The following CSGALNACT1 variants were observed in gnomAD, a reference collection of about 807,000 sequenced individuals.
The protein encoded by CSGALNACT1 is chondroitin sulfate N-acetylgalactosaminyltransferase 1, also known as beta4GalNAcT-1.
CSGALNACT1 carries 52 observed loss-of-function variants against 51.0 expected under a neutral mutation model. The observed-to-expected ratio is 1.02, with a 90% CI of 0.82 to 1.29. The LOEUF is 1.29. CSGALNACT1 is among the 50% of genes most tolerant of loss of function. The pLI is 0.00. For synonymous variants in CSGALNACT1, 341 were observed against 254.4 expected, an observed-to-expected ratio of 1.34 and a Z score of -3.24; for missense variants, 935 against 679.2, an observed-to-expected ratio of 1.38 and a Z score of -4.19.
At chr8:19,430,601 G>C (rs1246849157) in intron 6 of CSGALNACT1, among the ~76,000 whole-genome samples, 2 of 152,120 alleles carry the variant, frequency 1.3e-5, no homozygotes, top group African/African-American at 2.4e-5. Context: ...CTTAACTACT[G>C]TAATTTTATA....
intron 3 of CSGALNACT1, among the ~76,000 whole-genome samples, chr8:19,570,249 G>C (rs1003245359): frequency 1.3e-5 from 2 of 152,058 alleles, no homozygotes; most frequent in African/African-American, 4.8e-5. Context: ...AAAAAGTGTT[G>C]GCTGTTTCCC....
At chr8:19,513,746 T>A (rs537929059) in intron 3 of CSGALNACT1, among the ~76,000 whole-genome samples, 1 of 152,156 alleles carries the variant, frequency 6.6e-6, no homozygotes, top group East Asian at 1.9e-4. Context: ...CTAACAAACC[T>A]GTACCACATG....
chr8:19,634,640 C>A (rs1271829212), intron 1 of CSGALNACT1, among the ~76,000 whole-genome samples: 4 of 152,070 alleles, frequency 2.6e-5, no homozygotes, highest in African/African-American at 9.7e-5. Context: ...CCAGCCTGGG[C>A]AACAGAGTGA....
intron 1 of CSGALNACT1, among the ~76,000 whole-genome samples, chr8:19,609,519 G>A (rs558333457): frequency 5.3e-5 from 8 of 151,938 alleles, no homozygotes; most frequent in Admixed American, 4.6e-4. Context: ...GCAATAAAAA[G>A]GAATGATCTA....
chr8:19,574,575 G>C (rs2043738155), intron 3 of CSGALNACT1, among the ~76,000 whole-genome samples: 1 of 152,122 alleles, frequency 6.6e-6, no homozygotes, highest in Non-Finnish European at 1.5e-5. Flanking sequence ...GTGTGGAACT[G>C]GCACTAAAGC....
intron 8 of CSGALNACT1, among the ~76,000 whole-genome samples, chr8:19,410,030 T>C (rs1027311829): frequency 1.3e-5 from 2 of 152,234 alleles, no homozygotes; most frequent in African/African-American, 4.8e-5. Flanking sequence ...GAATCTTAAA[T>C]GTTCTTTAAC....
intron 4 of CSGALNACT1, among the ~76,000 whole-genome samples, chr8:19,476,925 C>G (rs111802356): frequency 1.3e-5 from 2 of 152,138 alleles, no homozygotes; most frequent in South Asian, 2.1e-4. Flanking sequence ...CATGAGGTCC[C>G]GAGCCTGCTG....
chr8:19,505,196 C>T lies in CSGALNACT1; in HGVS notation c.634+5G>A, dbSNP rs200374988. 2 of 1,614,150 alleles carry T rather than the reference C, an allele frequency of 1.2e-6. No individual in the cohort carries two copies. The highest frequency in any genetic ancestry group is 1.7e-6 in the Non-Finnish European group (2 of 1,180,010). On this transcript the variant is annotated splice_donor_5th_base_variant and intron_variant, in intron 4 of 9. Transcript: ENST00000454498. Reference sequence around the variant, plus strand: ...TCCTTTCCCCCCAATTCACAAAATGCTAACCTTCTATGAAATCAGAGGCCG... The same window carrying T: ...TCCTTTCCCCCCAATTCACAAAATGTTAACCTTCTATGAAATCAGAGGCCG...
At chr8:19,426,766 G>T (rs1416166780) in intron 6 of CSGALNACT1, among the ~76,000 whole-genome samples, 1 of 152,088 alleles carries the variant, frequency 6.6e-6, no homozygotes, top group Non-Finnish European at 1.5e-5. Flanking sequence ...GTTTCTACAG[G>T]AGATTTAATT....
intron 4 of CSGALNACT1, among the ~76,000 whole-genome samples, chr8:19,503,723 G>A (rs569898901): frequency 1.3e-4 from 20 of 151,612 alleles, no homozygotes; most frequent in African/African-American, 4.6e-4. Flanking sequence ...CTTACCATGT[G>A]CTTATACAGG....
At chr8:19,643,828 C>T (rs2056984589) in intron 1 of CSGALNACT1, among the ~76,000 whole-genome samples, 2 of 152,308 alleles carry the variant, frequency 1.3e-5, no homozygotes, top group South Asian at 4.1e-4. Context: ...CCATCTGCTG[C>T]TGGCTGCAGT....
intron 1 of CSGALNACT1, among the ~76,000 whole-genome samples, chr8:19,614,773 G>C (rs2052766600): frequency 6.6e-6 from 1 of 152,176 alleles, no homozygotes; most frequent in Non-Finnish European, 1.5e-5. Flanking sequence ...GCAAACTGAA[G>C]GCAAGAAGGA....
chr8:19,756,426 A>C (rs2065380325), intron 1 of CSGALNACT1, among the ~76,000 whole-genome samples: 1 of 152,200 alleles, frequency 6.6e-6, no homozygotes, highest in Non-Finnish European at 1.5e-5. Flanking sequence ...CAGTGCTGTT[A>C]ACATCTCTTC....
chr8:19,636,407 C>G (rs2056072685), intron 1 of CSGALNACT1, among the ~76,000 whole-genome samples: 1 of 151,964 alleles, frequency 6.6e-6, no homozygotes, highest in African/African-American at 2.4e-5. Context: ...GAGCATATCC[C>G]TTGTGTTTAA....
chr8:19,607,106 G>C (rs781544484), upstream of CSGALNACT1, among the ~76,000 whole-genome samples: 17 of 151,214 alleles, frequency 1.1e-4, no homozygotes, highest in Non-Finnish European at 1.8e-4. Flanking sequence ...AGCGAGCTGA[G>C]AACGCGCCAC....
intron 1 of CSGALNACT1, among the ~76,000 whole-genome samples, chr8:19,738,895 T>A (rs1257243123): frequency 6.6e-6 from 1 of 151,820 alleles, no homozygotes; most frequent in Non-Finnish European, 1.5e-5. Context: ...AACAAGTAAA[T>A]GACAATATGA....
intron 4 of CSGALNACT1, among the ~76,000 whole-genome samples, chr8:19,486,856 A>G (rs1053622893): frequency 2.0e-5 from 3 of 152,026 alleles, no homozygotes; most frequent in Admixed American, 6.6e-5. Flanking sequence ...CTCAGTTTTC[A>G]CTCCTGGCTC....
chr8:19,482,368 A>G (rs1430658694), intron 4 of CSGALNACT1, among the ~76,000 whole-genome samples: 1 of 152,164 alleles, frequency 6.6e-6, no homozygotes, highest in African/African-American at 2.4e-5. Flanking sequence ...TCTGTAACCA[A>G]CATCAGAGGA....
At chr8:19,571,838 AG>A in intron 3 of CSGALNACT1, among the ~76,000 whole-genome samples, 1 of 152,356 alleles carries the variant, frequency 6.6e-6, no homozygotes, top group Non-Finnish European at 1.5e-5. Flanking sequence ...CTGCCTGGAA[AG>A]CTAATGTATG....
Sources: gnomAD v4.1 joint callset for allele counts (sites outside exome capture counted in the v4.1 genomes callset) on GRCh38, gnomAD v4.1.1 for gene constraint, MANE v1.5 for transcripts, NCBI Gene and HGNC (gene_info 2026-07-23, HGNC 2026-07-21) for gene names.